Variants in DIAPH2 observed in about 807,000 individuals in gnomAD.
DIAPH2 encodes the protein diaphanous related formin 2.
Under a neutral mutation model 92.7 loss-of-function variants are expected in DIAPH2, and 35 were observed. The observed-to-expected ratio is 0.38, with a 90% CI of 0.29 to 0.50. The LOEUF (loss-of-function observed/expected upper bound fraction) is 0.50, where lower values mean the gene tolerates loss of function less well. Among genes scored for constraint, DIAPH2 ranks in the 20% least tolerant of loss-of-function variants. DIAPH2 has a pLI of 0.94. For missense variants in DIAPH2, 701 were observed against 819.5 expected, an observed-to-expected ratio of 0.86 and a Z score of 1.77; for synonymous variants, 301 against 280.4, an observed-to-expected ratio of 1.07 and a Z score of -0.73.
chrX:96,685,776 G>A (rs1008630484), intron 1 of DIAPH2, among the ~76,000 whole-genome samples: 2 of 111,924 alleles, frequency 1.8e-5, no homozygotes, highest in African/African-American at 6.5e-5. Flanking sequence ...CTTTGGAAGG[G>A]TGGGGGCGCG....
chrX:97,127,035 T>A (rs2067098513), intron 21 of DIAPH2, among the ~76,000 whole-genome samples: 1 of 112,560 alleles, frequency 8.9e-6, no homozygotes, highest in African/African-American at 3.2e-5. Context: ...TTTCTACATA[T>A]AGTTAAATAT....
chrX:97,554,565 C>T (rs2071244143), intron 26 of DIAPH2, among the ~76,000 whole-genome samples: 1 of 111,804 alleles, frequency 8.9e-6, no homozygotes, highest in South Asian at 3.7e-4. Context: ...AAAGACCTAA[C>T]CTGCTCTGGA....
At chrX:97,593,773 A>G (rs6523098) in intron 26 of DIAPH2, among the ~76,000 whole-genome samples, 48,787 of 110,362 alleles carry the variant, frequency 0.44, 8,429 homozygotes, top group Non-Finnish European at 0.55. Flanking sequence ...TAAAATAAAA[A>G]CAAAAGCAGA....
intron 3 of DIAPH2, among the ~76,000 whole-genome samples, chrX:96,743,860 C>T (rs990381139): frequency 3.6e-5 from 4 of 111,603 alleles, no homozygotes; most frequent in African/African-American, 1.3e-4. Flanking sequence ...AAATCACAAC[C>T]ATGTGAGGTA....
At chrX:96,921,770 T>C (rs958117194) in intron 9 of DIAPH2, among the ~76,000 whole-genome samples, 2 of 108,817 alleles carry the variant, frequency 1.8e-5, no homozygotes, top group Non-Finnish European at 3.8e-5. Flanking sequence ...TTCCCTATGT[T>C]CTATCCGTGG....
At chrX:97,212,320 CTT>C (rs1282425273) in intron 22 of DIAPH2, among the ~76,000 whole-genome samples, 1 of 110,979 alleles carries the variant, frequency 9.0e-6, no homozygotes, top group Non-Finnish European at 1.9e-5. Flanking sequence ...TTTTATCAAT[CTT>C]TATTTCAGAG....
At chrX:97,501,907 A>G (rs1057486296) in intron 26 of DIAPH2, among the ~76,000 whole-genome samples, 3 of 111,013 alleles carry the variant, frequency 2.7e-5, no homozygotes, top group Admixed American at 1.9e-4. Flanking sequence ...GGTTCAAGCA[A>G]TTCTCCTGCC....
intron 21 of DIAPH2, among the ~76,000 whole-genome samples, chrX:97,141,446 G>A (rs1410474596): frequency 9.0e-6 from 1 of 111,203 alleles, no homozygotes; most frequent in Admixed American, 9.6e-5. Context: ...TGAAAATACA[G>A]ATTAAGGTTT....
intron 1 of DIAPH2, among the ~76,000 whole-genome samples, chrX:96,692,488 A>G (rs758988567): frequency 1.8e-5 from 2 of 112,083 alleles, no homozygotes; most frequent in East Asian, 5.6e-4. Flanking sequence ...GTAAAATCTT[A>G]TTCAGAGTTA....
intron 4 of DIAPH2, among the ~76,000 whole-genome samples, chrX:96,880,776 A>G (rs996255463): frequency 9.0e-6 from 1 of 111,360 alleles, no homozygotes; most frequent in Non-Finnish European, 1.9e-5. Context: ...ATGTGAAACT[A>G]TCAGTTGTTA....
At chrX:96,863,025 A>G in intron 4 of DIAPH2, among the ~76,000 whole-genome samples, 1 of 110,417 alleles carries the variant, frequency 9.1e-6, no homozygotes, top group Non-Finnish European at 1.9e-5. Flanking sequence ...TGTAATACGT[A>G]TTCTTTCACC....
At chrX:96,708,230 A>AC (rs1168028449) in intron 1 of DIAPH2, among the ~76,000 whole-genome samples, 1 of 21,386 alleles carries the variant, frequency 4.7e-5, no homozygotes, top group African/African-American at 1.9e-4. Flanking sequence ...ACTCTTCCCC[A>AC]CCCCCCACCC....
chrX:96,982,741 T>C lies in DIAPH2; in HGVS notation c.2050+17534T>C, dbSNP rs186777745. 3.6e-4 allele frequency among the ~76,000 whole-genome samples: 41 copies of C among 112,586 alleles called. No individual in the cohort carries two copies. In the East Asian group the frequency reaches 8.6e-3, roughly 24 times the overall value. ...TTTCTGAATGCTGACAATTTAAGCA[T>C]TTTAATGATTGACTGCATTAGCAAA... On this transcript the variant is annotated intron_variant, in intron 17 of 26. Transcript: ENST00000324765.
At chrX:97,464,281 G>A (rs745599844) in intron 26 of DIAPH2, among the ~76,000 whole-genome samples, 1 of 77,411 alleles carries the variant, frequency 1.3e-5, no homozygotes, top group South Asian at 9.2e-4. Context: ...CTAACACGGT[G>A]AAACCCCATC....
chrX:97,097,457 C>A (rs192536663), intron 19 of DIAPH2, among the ~76,000 whole-genome samples: 222 of 112,037 alleles, frequency 2.0e-3, no homozygotes, highest in Non-Finnish European at 3.7e-3. Flanking sequence ...ATATTTCATA[C>A]AGCTGAATAG....
intron 10 of DIAPH2, among the ~76,000 whole-genome samples, chrX:96,936,000 A>G (rs931482707): frequency 8.9e-6 from 1 of 111,785 alleles, no homozygotes; most frequent in Non-Finnish European, 1.9e-5. Flanking sequence ...ACCTGATAAT[A>G]TGACCCAGCA....
intron 1 of DIAPH2, among the ~76,000 whole-genome samples, chrX:96,702,877 T>C (rs977403783): frequency 1.8e-5 from 2 of 111,278 alleles, no homozygotes; most frequent in Non-Finnish European, 3.8e-5. Context: ...TTGTGAGTTT[T>C]ACAGAGTCAC....
At chrX:97,441,434 A>T (rs1362788251) in intron 26 of DIAPH2, among the ~76,000 whole-genome samples, 1 of 111,554 alleles carries the variant, frequency 9.0e-6, no homozygotes, top group Non-Finnish European at 1.9e-5. Context: ...TCATCACTTC[A>T]TATGAATCTT....
Position 97,114,627 on chromosome X carries a change from C to A in DIAPH2, c.2350-99C>A, listed in dbSNP as rs5966981. The A allele has an allele frequency of 0.012, 9,094 of 762,979 alleles. 433 individuals carry two copies. The African/African-American group carries it at 0.15, about 13-fold the overall frequency. The allele number at this position is 762,979 out of a possible 1,213,427, so 62.9% of individuals were successfully genotyped here. On this transcript the variant is annotated intron_variant, in intron 20 of 26. Transcript: ENST00000324765. ...AATCCCAGAGCAAACTGACTTTATG[C>A]AGAAATGTTACAGTGTTGTCTATGA...
Sources: allele counts gnomAD v4.1 joint callset (sites outside exome capture counted in the v4.1 genomes callset), GRCh38; gene constraint gnomAD v4.1.1; transcripts MANE v1.5; gene names NCBI Gene and HGNC (gene_info 2026-07-23, HGNC 2026-07-21).